The following CSMD2 variants were observed in gnomAD, a reference collection of about 807,000 sequenced individuals.
CSMD2 encodes the protein CUB and Sushi multiple domains 2, also known as CUB and sushi domain-containing protein 2.
In CSMD2, 130 loss-of-function variants were observed where a neutral mutation model predicts 398.5. That is an observed-to-expected ratio of 0.33 (90% CI 0.28 to 0.38). The LOEUF (loss-of-function observed/expected upper bound fraction) is 0.38. CSMD2 is among the 10% of genes least tolerant of loss of function. The probability of loss-of-function intolerance (pLI) is 1.00; values close to 1 mark genes in which losing one functional copy is unlikely to be tolerated. For missense variants in CSMD2, 3,829 were observed against 4,764.9 expected (o/e 0.80, Z 5.78); for synonymous variants, 1,828 against 1,908.5 (o/e 0.96, Z 1.10).
chr1:34,070,198 G>A (rs1655563648), intron 2 of CSMD2, among the ~76,000 whole-genome samples: 1 of 152,246 alleles, frequency 6.6e-6, no homozygotes, highest in African/African-American at 2.4e-5. Context: ...GAGGAAGAGT[G>A]CAGTGGAGAA....
intron 21 of CSMD2, among the ~76,000 whole-genome samples, chr1:33,713,029 A>G (rs568372607): frequency 6.6e-6 from 1 of 152,386 alleles, no homozygotes; most frequent in South Asian, 2.1e-4. Flanking sequence ...TATTGGCAAA[A>G]TGCTGATAAT....
Position 33,913,422 on chromosome 1 carries a change from C to T in CSMD2, c.920+4672G>A, listed in dbSNP as rs535670751. Among the ~76,000 whole-genome samples the T allele has an allele frequency of 5.9e-5, 9 of 152,284 alleles. No individual in the cohort carries two copies. In the South Asian group the frequency reaches 1.9e-3, roughly 32 times the overall value. ...TCATATGTTGGCTTCAGTGGGACCA[C>T]CAAAAATAGGGCCAACGAGGCTCTG... On this transcript the variant is annotated intron_variant, in intron 5 of 70. Coordinates refer to ENST00000373381, the MANE Select transcript of CSMD2 (RefSeq NM_001281956.2).
At chr1:34,109,683 A>G (rs1660854035) in intron 1 of CSMD2, among the ~76,000 whole-genome samples, 1 of 152,166 alleles carries the variant, frequency 6.6e-6, no homozygotes, top group Admixed American at 6.5e-5. Flanking sequence ...CAAATTTACA[A>G]GAAAAAAATA....
At position 33,652,307 on chromosome 1, in the gene CSMD2, G is replaced by A. The variant is rs775020121; in HGVS notation, c.4586+16C>T. On this transcript the variant is annotated intron_variant, in intron 28 of 70. Coordinates refer to ENST00000373381, the MANE Select transcript of CSMD2 (RefSeq NM_001281956.2). The stretch of plus-strand genomic sequence containing the variant: ...CTCTGAACCCTTCGTCTCCCACCCG[G>A]GGGAAAGGTACATACATGTTAAATA... The A allele has an allele frequency of 4.3e-6, 7 of 1,613,262 alleles. No homozygotes were observed. The African/African-American group carries it at 5.3e-5, about 12-fold the overall frequency.
At chr1:33,730,748 A>T (rs946463299) in intron 15 of CSMD2, among the ~76,000 whole-genome samples, 1 of 152,160 alleles carries the variant, frequency 6.6e-6, no homozygotes, top group African/African-American at 2.4e-5. Context: ...GGGAACTGGG[A>T]TTTTCAGCAA....
At chr1:33,536,305 G>T (rs1006343568) in intron 62 of CSMD2, among the ~76,000 whole-genome samples, 1 of 152,068 alleles carries the variant, frequency 6.6e-6, no homozygotes, top group African/African-American at 2.4e-5. Flanking sequence ...CTCACTGCAA[G>T]CTCCGCCTCC....
chr1:33,879,987 C>G (rs935374535), intron 5 of CSMD2, among the ~76,000 whole-genome samples: 1 of 152,066 alleles, frequency 6.6e-6, no homozygotes, highest in Non-Finnish European at 1.5e-5. Context: ...TTAATCTGCA[C>G]AGTAATCTAG....
At chr1:33,962,162 G>A (rs1558166092) in intron 3 of CSMD2, among the ~76,000 whole-genome samples, 1 of 152,124 alleles carries the variant, frequency 6.6e-6, no homozygotes. Context: ...GACTCGTACT[G>A]CAGGGCCAGC....
chr1:34,016,013 CTGTGTGTG>C (rs72213161), intron 3 of CSMD2, among the ~76,000 whole-genome samples: 47 of 149,104 alleles, frequency 3.2e-4, no homozygotes, highest in South Asian at 8.6e-4. Context: ...ACTCCTTGCT[CTGTGTGTG>C]TGTGTGTGTG....
chr1:34,122,306 C>A (rs1011856673), intron 1 of CSMD2, among the ~76,000 whole-genome samples: 4 of 152,112 alleles, frequency 2.6e-5, no homozygotes, highest in Non-Finnish European at 5.9e-5. Flanking sequence ...GGGAGACCCA[C>A]AGCTGAGCCT....
intron 1 of CSMD2, among the ~76,000 whole-genome samples, chr1:34,093,962 T>C (rs1304791908): frequency 2.0e-5 from 3 of 151,338 alleles, no homozygotes; most frequent in Non-Finnish European, 4.4e-5. Flanking sequence ...ATTGTCAGAT[T>C]CACCAAAGTT....
intron 1 of CSMD2, among the ~76,000 whole-genome samples, chr1:34,115,843 G>C (rs989227550): frequency 1.3e-5 from 2 of 151,814 alleles, no homozygotes; most frequent in African/African-American, 2.4e-5. Context: ...GTAATAGCGT[G>C]AAGTTTTTAT....
rs535864137 is a variant in CSMD2 at position 34,039,388 on chromosome 1, A to G, written c.405-6682T>C. On this transcript the variant is annotated intron_variant, in intron 2 of 70. Coordinates refer to ENST00000373381, the MANE Select transcript of CSMD2 (RefSeq NM_001281956.2). ...CTCTGAGCAACTCCCCTAAGCAAAG[A>G]GCCCCTGCAAACCTCTTTTGAATCT... Among the ~76,000 whole-genome samples the G allele has an allele frequency of 2.0e-5, 3 of 152,336 alleles. No homozygotes were observed. In the South Asian group the frequency reaches 6.2e-4, roughly 32 times the overall value.
rs182668650 is a variant in CSMD2 at position 33,760,689 on chromosome 1, C to T, written c.1846+11880G>A. The stretch of plus-strand genomic sequence containing the variant: ...TTACAGCTTTGTTGTGAAGACTCAA[C>T]GCAATGAAGTTTGTGAAGGCATGGA... On this transcript the variant is annotated intron_variant, in intron 13 of 70. Transcript: ENST00000373381. Among the ~76,000 whole-genome samples, 18 of 152,210 alleles carry T rather than the reference C, an allele frequency of 1.2e-4. No homozygotes were observed. In the South Asian group the frequency reaches 1.7e-3, roughly 14 times the overall value.
chr1:34,063,304 A>G (rs1654732433), intron 2 of CSMD2, among the ~76,000 whole-genome samples: 1 of 152,196 alleles, frequency 6.6e-6, no homozygotes, highest in Non-Finnish European at 1.5e-5. Flanking sequence ...TTAACACGAA[A>G]GTCCACAGTC....
intron 12 of CSMD2, among the ~76,000 whole-genome samples, chr1:33,784,883 C>A (rs910292696): frequency 6.6e-6 from 1 of 152,162 alleles, no homozygotes; most frequent in Admixed American, 6.5e-5. Flanking sequence ...TTGTACAAGT[C>A]GGGGAACTGA....
At chr1:33,966,209 T>G (rs1645551771) in intron 3 of CSMD2, among the ~76,000 whole-genome samples, 1 of 152,214 alleles carries the variant, frequency 6.6e-6, no homozygotes, top group Non-Finnish European at 1.5e-5. Flanking sequence ...GACTCCAGAT[T>G]CTGCCAGCCC....
chr1:33,826,911 T>G (rs1441687644), intron 6 of CSMD2, among the ~76,000 whole-genome samples: 1 of 152,206 alleles, frequency 6.6e-6, no homozygotes, highest in Non-Finnish European at 1.5e-5. Flanking sequence ...CCAGGAGTGG[T>G]GACAACAACT....
intron 1 of CSMD2, among the ~76,000 whole-genome samples, chr1:34,156,897 G>C (rs1204959010): frequency 1.3e-5 from 2 of 152,128 alleles, no homozygotes; most frequent in Non-Finnish European, 2.9e-5. Flanking sequence ...GAAAGTAAGA[G>C]AGTCTCTAGG....
Sources: allele counts gnomAD v4.1 joint callset (sites outside exome capture counted in the v4.1 genomes callset), GRCh38; gene constraint gnomAD v4.1.1; transcripts MANE v1.5; gene names NCBI Gene and HGNC (gene_info 2026-07-23, HGNC 2026-07-21).